The following EYA4 variants were observed in gnomAD, a reference collection of about 807,000 sequenced individuals.
EYA4 encodes EYA transcriptional coactivator and phosphatase 4, also known as protein phosphatase EYA4.
A neutral mutation model predicts 87.9 loss-of-function variants in EYA4; 31 were observed. That is an observed-to-expected ratio of 0.35 (90% confidence interval 0.27 to 0.48). The LOEUF (loss-of-function observed/expected upper bound fraction) is 0.48, where lower values mean the gene tolerates loss of function less well. Among genes scored for constraint, EYA4 ranks in the 20% least tolerant of loss-of-function variants. EYA4 has a pLI of 0.99. For missense variants in EYA4, 678 were observed against 761.4 expected (o/e 0.89, Z 1.29); for synonymous variants, 263 against 270.6 (o/e 0.97, Z 0.28).
chr6:133,444,988 A>G (rs1311400101), intron 3 of EYA4, among the ~76,000 whole-genome samples: 3 of 151,730 alleles, frequency 2.0e-5, no homozygotes, highest in Non-Finnish European at 2.9e-5. Flanking sequence ...CTTGCTTTGT[A>G]TTTTCCATTT....
intron 2 of EYA4, among the ~76,000 whole-genome samples, chr6:133,298,773 G>A (rs1779136019): frequency 6.6e-6 from 1 of 152,176 alleles, no homozygotes; most frequent in Non-Finnish European, 1.5e-5. Flanking sequence ...AAAAATATGA[G>A]GTCGGACCGT....
intron 11 of EYA4, among the ~76,000 whole-genome samples, chr6:133,480,363 T>G (rs1796098122): frequency 6.6e-6 from 1 of 152,296 alleles, no homozygotes; most frequent in African/African-American, 2.4e-5. Context: ...TGGGGACTAT[T>G]AGCAGGAGTA....
chr6:133,319,608 T>G (rs191829319), intron 2 of EYA4, among the ~76,000 whole-genome samples: 161 of 152,240 alleles, frequency 1.1e-3, no homozygotes, highest in African/African-American at 3.6e-3. Flanking sequence ...TACTTTGATA[T>G]TCTTTCTAAC....
At chr6:133,252,720 T>C (rs1434906973) in intron 1 of EYA4, among the ~76,000 whole-genome samples, 1 of 152,180 alleles carries the variant, frequency 6.6e-6, no homozygotes, top group Non-Finnish European at 1.5e-5. Flanking sequence ...ATATTATAAA[T>C]ATATGATTAG....
intron 10 of EYA4, among the ~76,000 whole-genome samples, chr6:133,467,758 A>G (rs1794975817): frequency 6.6e-6 from 1 of 151,956 alleles, no homozygotes; most frequent in Admixed American, 6.6e-5. Flanking sequence ...ATTTGTCATC[A>G]CTGATAACAT....
At chr6:133,505,997 A>G (rs918416334) in intron 13 of EYA4, 109 bp from the exon 14 acceptor site, 6 of 749,094 alleles carry the variant, frequency 8.0e-6, no homozygotes, top group Non-Finnish European at 1.4e-5. Context: ...TTCAGTAAAA[A>G]CCCATGCAGT....
At chr6:133,416,620 A>G (rs1438746172) in intron 3 of EYA4, among the ~76,000 whole-genome samples, 1 of 152,218 alleles carries the variant, frequency 6.6e-6, no homozygotes, top group Non-Finnish European at 1.5e-5. Flanking sequence ...AGCATTACGT[A>G]TATATTATAT....
At chr6:133,333,558 C>T (rs1782141716) in intron 2 of EYA4, among the ~76,000 whole-genome samples, 1 of 152,138 alleles carries the variant, frequency 6.6e-6, no homozygotes, top group African/African-American at 2.4e-5. Flanking sequence ...GTGACAGTCT[C>T]TCAATATTTG....
At chr6:133,505,437 A>G (rs1202840965) in intron 13 of EYA4, among the ~76,000 whole-genome samples, 1 of 152,206 alleles carries the variant, frequency 6.6e-6, no homozygotes, top group Admixed American at 6.5e-5. Context: ...CCTGGATTAC[A>G]CTTAGAGAAC....
At chr6:133,381,480 T>C (rs530622501) in intron 2 of EYA4, among the ~76,000 whole-genome samples, 1 of 152,286 alleles carries the variant, frequency 6.6e-6, no homozygotes, top group African/African-American at 2.4e-5. Context: ...ATGTTCCTCA[T>C]GGTATATATT....
intron 2 of EYA4, among the ~76,000 whole-genome samples, chr6:133,345,775 CTATT>C (rs1783146930): frequency 6.6e-6 from 1 of 152,150 alleles, no homozygotes; most frequent in Non-Finnish European, 1.5e-5. Flanking sequence ...TAAAAATAGT[CTATT>C]CATTAGATTC....
At position 133,260,741 on chromosome 6, in the gene EYA4, T is replaced by C. The variant is rs1775734066; in HGVS notation, c.-65-13975T>C. Among the ~76,000 whole-genome samples, 3 of 152,322 alleles carry C rather than the reference T, an allele frequency of 2.0e-5. No individual in the cohort carries two copies. In the South Asian group the frequency reaches 6.2e-4, roughly 32 times the overall value. On this transcript the variant is annotated intron_variant, in intron 1 of 19. Coordinates refer to ENST00000355286, the MANE Select transcript of EYA4 (RefSeq NM_004100.5). ...TGCAAGGCTGAAGTTTTGATTTATC[T>C]CACTCAAGAAATTATTTTCTTTTAT...
chr6:133,242,959 A>G (rs1774085299), intron 1 of EYA4, among the ~76,000 whole-genome samples: 1 of 152,254 alleles, frequency 6.6e-6, no homozygotes, highest in South Asian at 2.1e-4. Context: ...GCGGGCCTAG[A>G]GAGTCATTCA....
chr6:133,523,563 T>C (rs1800370929), intron 18 of EYA4, among the ~76,000 whole-genome samples: 1 of 152,192 alleles, frequency 6.6e-6, no homozygotes, highest in Non-Finnish European at 1.5e-5. Flanking sequence ...GATTCTTTGA[T>C]GGATTGAACG....
At chr6:133,439,932 A>G (rs1198330452) in intron 3 of EYA4, among the ~76,000 whole-genome samples, 2 of 152,242 alleles carry the variant, frequency 1.3e-5, no homozygotes, top group African/African-American at 4.8e-5. Context: ...GAATTGGTCA[A>G]GGGACAGACC....
intron 2 of EYA4, among the ~76,000 whole-genome samples, chr6:133,306,881 C>A (rs540818510): frequency 2.5e-4 from 38 of 152,288 alleles, no homozygotes; most frequent in Admixed American, 2.1e-3. Context: ...TTAATCCATA[C>A]TTCCCAGTCA....
chr6:133,268,503 AG>A (rs1027865077), intron 1 of EYA4, among the ~76,000 whole-genome samples: 15 of 152,168 alleles, frequency 9.9e-5, no homozygotes, highest in African/African-American at 3.4e-4. Context: ...ATGGCTCTAA[AG>A]GAGAAGGCCA....
At chr6:133,457,867 G>T (rs911140696) in intron 6 of EYA4, among the ~76,000 whole-genome samples, 1 of 152,146 alleles carries the variant, frequency 6.6e-6, no homozygotes, top group Non-Finnish European at 1.5e-5. Flanking sequence ...TACTTCAGTA[G>T]TATACTACAA....
At chr6:133,446,209 T>G (rs1792819255) in intron 3 of EYA4, among the ~76,000 whole-genome samples, 8 of 151,916 alleles carry the variant, frequency 5.3e-5, no homozygotes, top group Admixed American at 5.3e-4. Flanking sequence ...TTTAGGAGGG[T>G]GGGTATGCAT....
Sources: gnomAD v4.1 joint callset for allele counts (sites outside exome capture counted in the v4.1 genomes callset) on GRCh38, gnomAD v4.1.1 for gene constraint, MANE v1.5 for transcripts, NCBI Gene and HGNC (gene_info 2026-07-23, HGNC 2026-07-21) for gene names.